The following PLPP7 variants were observed in gnomAD, a reference collection of about 807,000 sequenced individuals.
The protein encoded by PLPP7 is inactive phospholipid phosphatase 7.
PLPP7 carries 11 observed loss-of-function variants against 16.9 expected under a neutral mutation model. That is an observed-to-expected ratio of 0.65 (90% CI 0.41 to 1.08). The LOEUF is 1.08. Ranked by LOEUF, PLPP7 falls within the 50% of genes least tolerant of loss-of-function variation. The pLI, the probability that PLPP7 is intolerant of heterozygous loss-of-function variation, is 0.00. For missense variants in PLPP7, 358 were observed against 397.1 expected (o/e 0.90, Z 0.84); for synonymous variants, 174 against 175.1 (o/e 0.99, Z 0.05).
At chr9:131,305,352 C>T (rs1835842469) in intron 1 of PLPP7, among the ~76,000 whole-genome samples, 1 of 151,064 alleles carries the variant, frequency 6.6e-6, no homozygotes, top group African/African-American at 2.4e-5. Context: ...GAGTTTGAGA[C>T]CATCTTAGGC....
At chr9:131,307,878 G>A (rs1835870828) in intron 1 of PLPP7, 45 bp from the exon 2 acceptor site, 2 of 1,516,112 alleles carry the variant, frequency 1.3e-6, no homozygotes, top group African/African-American at 1.4e-5. Context: ...CCTGGGCCTG[G>A]CTGGTGGCCC....
At chr9:131,301,806 AC>A (rs1835800727) in intron 1 of PLPP7, among the ~76,000 whole-genome samples, 1 of 137,084 alleles carries the variant, frequency 7.3e-6, no homozygotes, top group South Asian at 2.3e-4. Flanking sequence ...AGGGGAAGGA[AC>A]TTGTTCTTTT....
rs1835723774 is a variant in PLPP7, at chr9:131,295,275, T to G, written c.451+4827T>G. On this transcript the variant is annotated intron_variant, in intron 1 of 1. Transcript: ENST00000372264. The surrounding 1 kb of genome is among the most constrained non-coding windows in gnomAD (Gnocchi z 4.0). Reference sequence around the variant, plus strand: ...TTCAAGTGATTCTCCTGCCTCACCCTCCCGAGTAGCTGGGATTACAGGTGC... The same window carrying G: ...TTCAAGTGATTCTCCTGCCTCACCCGCCCGAGTAGCTGGGATTACAGGTGC... Among the ~76,000 whole-genome samples, 1 of 151,920 alleles carries G rather than the reference T, an allele frequency of 6.6e-6. No individual in the cohort carries two copies. Among genetic ancestry groups the G allele is most frequent in the Non-Finnish European group, 1.5e-5 (1 of 67,974 alleles).
chr9:131,302,534 C>G (rs949283443), intron 1 of PLPP7, among the ~76,000 whole-genome samples: 1 of 152,196 alleles, frequency 6.6e-6, no homozygotes, highest in Non-Finnish European at 1.5e-5. Flanking sequence ...GGTCAGCACA[C>G]GAGCTGGCCA....
intron 1 of PLPP7, among the ~76,000 whole-genome samples, chr9:131,306,034 G>A (rs532914349): frequency 4.6e-5 from 7 of 150,934 alleles, no homozygotes; most frequent in South Asian, 2.1e-4. Context: ...TCAGGAGATC[G>A]AGACCATCCT....
intron 1 of PLPP7, among the ~76,000 whole-genome samples, chr9:131,292,497 G>C (rs964197599): frequency 9.2e-5 from 14 of 152,178 alleles, no homozygotes; most frequent in African/African-American, 3.4e-4. Flanking sequence ...TTGAGGCATG[G>C]GGTGACGATG....
At chr9:131,300,593 G>A (rs1835786794) in intron 1 of PLPP7, among the ~76,000 whole-genome samples, 1 of 149,218 alleles carries the variant, frequency 6.7e-6, no homozygotes, top group Non-Finnish European at 1.5e-5. Flanking sequence ...GAGGCAGGAG[G>A]ATCATTTGAG....
At chr9:131,300,639 A>G (rs1281700871) in intron 1 of PLPP7, among the ~76,000 whole-genome samples, 2 of 148,100 alleles carry the variant, frequency 1.4e-5, no homozygotes, top group Non-Finnish European at 3.0e-5. Context: ...CCATGTTTGC[A>G]CCACTGTACT....
intron 1 of PLPP7, among the ~76,000 whole-genome samples, chr9:131,304,302 C>T (rs1835829689): frequency 6.6e-6 from 1 of 152,194 alleles, no homozygotes; most frequent in South Asian, 2.1e-4. Flanking sequence ...GTGGCAGAGA[C>T]ACGATGGAGA....
intron 1 of PLPP7, among the ~76,000 whole-genome samples, chr9:131,298,330 G>A (rs1835758039): frequency 6.6e-6 from 1 of 152,140 alleles, no homozygotes; most frequent in South Asian, 2.1e-4. Context: ...GGGATGAGAA[G>A]CAGGATTGAC....
chr9:131,303,332 TAAAAAA>T (rs34474446), intron 1 of PLPP7, among the ~76,000 whole-genome samples: 1 of 99,176 alleles, frequency 1.0e-5, no homozygotes, highest in East Asian at 3.0e-4. Context: ...AACTCTGTCT[TAAAAAA>T]AAAAAAAAAA....
In PLPP7 at chr9:131,308,278, T is replaced by G; in HGVS notation, c.807T>G (p.Ser269=). 9 of 1,588,660 alleles carry G rather than the reference T, an allele frequency of 5.7e-6. No individual in the cohort carries two copies. Among genetic ancestry groups the G allele is most frequent in the Non-Finnish European group, 7.7e-6 (9 of 1,174,642 alleles). The change falls in exon 2 of 2, where the codon TCT becomes TCG. Residue 269 remains serine, a synonymous_variant. Transcript: ENST00000372264. ...MPSSTCQMLI[S]AW is the part of the protein sequence containing the mutation. ...CCAGCACCTGCCAGATGCTCATCTC[T>G]GCCTGGTGAAGCGCCCGCCGGCCCA...
At chr9:131,298,412 C>G (rs1313377552) in intron 1 of PLPP7, among the ~76,000 whole-genome samples, 1 of 152,164 alleles carries the variant, frequency 6.6e-6, no homozygotes, top group Admixed American at 6.5e-5. Context: ...ACAAACCCAG[C>G]CCTTCGCAGC....
intron 1 of PLPP7, among the ~76,000 whole-genome samples, chr9:131,301,580 G>A (rs1274569873): frequency 6.6e-6 from 1 of 152,184 alleles, no homozygotes; most frequent in Admixed American, 6.5e-5. Flanking sequence ...GACCCTGGTG[G>A]GACCTTAGGA....
intron 1 of PLPP7, chr9:131,292,919 T>C: frequency 1.0e-6 from 1 of 985,410 alleles, no homozygotes. Context: ...CCCCACAGGA[T>C]AAAGATGAAG....
At chr9:131,298,957 G>A (rs1038436356) in intron 1 of PLPP7, among the ~76,000 whole-genome samples, 2 of 152,200 alleles carry the variant, frequency 1.3e-5, no homozygotes, top group East Asian at 1.9e-4. Flanking sequence ...TGCAAAGAGC[G>A]GAAAGTGGAG....
At chr9:131,306,458 C>T (rs1041760575) in intron 1 of PLPP7, among the ~76,000 whole-genome samples, 8 of 107,200 alleles carry the variant, frequency 7.5e-5, no homozygotes, top group African/African-American at 2.2e-4. Flanking sequence ...ACGAAAATCA[C>T]GTGAACCCGG....
rs748007696 is a variant in PLPP7 at position 131,290,175 on chromosome 9, C to T, written c.178C>T (p.Arg60Cys). ...PPAGDGARER[R>C]QSQQLPEEDC... ...TGCTGGTGACGGGGCCAGAGAGCGA[C>T]GCCAGTCACAGCAGCTGCCAGAGGA... The change falls in exon 1 of 2, where the codon CGC (arginine) becomes TGC (cysteine). Residue 60 changes from arginine to cysteine, a missense_variant. Arg to Cys is a radical substitution (Grantham distance 180). Transcript: ENST00000372264. The surrounding 1 kb of genome is among the most constrained non-coding windows in gnomAD (Gnocchi z 4.2). 11 of 1,583,564 alleles carry T rather than the reference C, an allele frequency of 6.9e-6. No homozygotes were observed. The highest frequency in any genetic ancestry group is 2.3e-5 in the South Asian group (2 of 86,942).
At chr9:131,292,239 G>A (rs933951125) in intron 1 of PLPP7, among the ~76,000 whole-genome samples, 3 of 152,190 alleles carry the variant, frequency 2.0e-5, no homozygotes, top group African/African-American at 7.2e-5. Flanking sequence ...TAGAGAGGTA[G>A]GTTGCCTGCT....
Sources: allele counts gnomAD v4.1 joint callset (sites outside exome capture counted in the v4.1 genomes callset), GRCh38; gene constraint gnomAD v4.1.1; non-coding constraint Gnocchi (gnomAD v3.1); transcripts MANE v1.5; gene names NCBI Gene and HGNC (gene_info 2026-07-23, HGNC 2026-07-21).